The following FCHO2 variants were observed in gnomAD, a reference collection of about 807,000 sequenced individuals.
FCHO2 encodes F-BAR domain only protein 2.
Under a neutral mutation model 114.1 loss-of-function variants are expected in FCHO2, and 43 were observed. The observed-to-expected ratio is 0.38, with a 90% CI of 0.30 to 0.49. The LOEUF is 0.49. FCHO2 is among the 20% of genes least tolerant of loss of function. FCHO2 has a pLI of 0.97. For missense variants in FCHO2, 807 were observed against 950.4 expected, an observed-to-expected ratio of 0.85 and a Z score of 1.98; for synonymous variants, 293 against 315.2, an observed-to-expected ratio of 0.93 and a Z score of 0.75.
At chr5:72,980,369 T>G (rs1360717467) in intron 2 of FCHO2, among the ~76,000 whole-genome samples, 1 of 152,186 alleles carries the variant, frequency 6.6e-6, no homozygotes, top group East Asian at 1.9e-4. Context: ...CTTCCAATTA[T>G]GTGGTCAGTT....
Position 73,081,989 on chromosome 5 carries a change from T to A in FCHO2, c.2180+7T>A. On this transcript the variant is annotated splice_region_variant and intron_variant, in intron 23 of 25. Transcript: ENST00000430046. ...CCCTTCCCCCTGCAATATGGTAAAT[T>A]AAACATACGTTTCTGAATTCCCACT... is the stretch of plus-strand genomic sequence containing the variant. 6.9e-7 allele frequency: 1 copy of A among 1,447,182 alleles called. No homozygotes were observed. Among genetic ancestry groups the A allele is most frequent in the East Asian group, 2.6e-5 (1 of 38,808 alleles). 89.6% of individuals were successfully genotyped at this position (1,447,182 alleles called of 1,614,324 possible).
intron 1 of FCHO2, among the ~76,000 whole-genome samples, chr5:72,965,010 A>G (rs1427375980): frequency 6.6e-6 from 1 of 152,144 alleles, no homozygotes; most frequent in African/African-American, 2.4e-5. Flanking sequence ...AGATTAAAAA[A>G]AAAAAACAGT....
chr5:73,036,902 G>T (rs1156256813), intron 9 of FCHO2, among the ~76,000 whole-genome samples: 3 of 152,064 alleles, frequency 2.0e-5, no homozygotes, highest in Non-Finnish European at 4.4e-5. Flanking sequence ...GAAAAGAAAA[G>T]AAAATTTTAT....
At chr5:73,031,526 T>C (rs1442983385) in intron 8 of FCHO2, among the ~76,000 whole-genome samples, 1 of 152,190 alleles carries the variant, frequency 6.6e-6, no homozygotes, top group Admixed American at 6.5e-5. Flanking sequence ...CACAAAACAT[T>C]TGTGGTGATC....
intron 6 of FCHO2, among the ~76,000 whole-genome samples, chr5:73,012,576 G>A (rs1755080678): frequency 7.0e-6 from 1 of 143,382 alleles, no homozygotes; most frequent in African/African-American, 2.6e-5. Flanking sequence ...CCGAGATCAC[G>A]CCACTGCACT....
chr5:73,014,674 C>A (rs1561449175), intron 6 of FCHO2, among the ~76,000 whole-genome samples: 1 of 152,104 alleles, frequency 6.6e-6, no homozygotes. Flanking sequence ...GTAGTTTTTG[C>A]TTTGCCAACT....
At chr5:73,073,321 A>G (rs1052805168) in intron 19 of FCHO2, among the ~76,000 whole-genome samples, 3 of 152,088 alleles carry the variant, frequency 2.0e-5, no homozygotes, top group African/African-American at 7.2e-5. Flanking sequence ...AGTGGTTTCT[A>G]GTGACAAAAG....
rs1742842454 is a variant in FCHO2, at chr5:73,074,986, C to A, written c.1691+133C>A. The A allele has an allele frequency of 4.3e-6, 3 of 693,588 alleles. No homozygotes were observed. In the East Asian group the frequency reaches 8.5e-5, roughly 20 times the overall value. 43.0% of individuals were successfully genotyped at this position (693,588 alleles called of 1,614,324 possible). ...TTACAGTTTTCTGTTGTTTATTTAC[C>A]TGCTTTTTTGCTATCTAAGGTAGTC... On this transcript the variant is annotated intron_variant, in intron 20 of 25. Transcript: ENST00000430046.
At chr5:73,014,387 C>G (rs1158894039) in intron 6 of FCHO2, among the ~76,000 whole-genome samples, 1 of 150,544 alleles carries the variant, frequency 6.6e-6, no homozygotes, top group Non-Finnish European at 1.5e-5. Flanking sequence ...CTCCCGGGTT[C>G]AAGCGATTCT....
chr5:72,974,179 G>A (rs958631423), intron 2 of FCHO2, among the ~76,000 whole-genome samples: 1 of 147,578 alleles, frequency 6.8e-6, no homozygotes, highest in African/African-American at 2.5e-5. Context: ...TGTATATTCT[G>A]TTGATTTGGG....
chr5:73,030,108 C>A (rs1756155598), intron 8 of FCHO2, among the ~76,000 whole-genome samples: 1 of 145,324 alleles, frequency 6.9e-6, no homozygotes, highest in Non-Finnish European at 1.5e-5. Context: ...GTGACATGAT[C>A]TTGGCTCACT....
chr5:73,005,495 C>T (rs1456795424), intron 5 of FCHO2, among the ~76,000 whole-genome samples: 2 of 152,136 alleles, frequency 1.3e-5, no homozygotes, highest in Admixed American at 6.5e-5. Context: ...TCTGTTACCT[C>T]GTCAAGAAAA....
intron 1 of FCHO2, among the ~76,000 whole-genome samples, chr5:72,966,095 C>T (rs781587782): frequency 3.3e-5 from 5 of 152,172 alleles, no homozygotes; most frequent in Non-Finnish European, 7.3e-5. Flanking sequence ...AGTGAATGCT[C>T]GCCACATGCA....
intron 5 of FCHO2, among the ~76,000 whole-genome samples, chr5:73,003,075 A>G (rs963922123): frequency 6.6e-6 from 1 of 152,078 alleles, no homozygotes; most frequent in Admixed American, 6.6e-5. Context: ...TGGTATTATC[A>G]TAGCTCACTG....
At position 73,089,266 on chromosome 5, in the gene FCHO2, A is replaced by C. The variant is rs1043934062; in HGVS notation, c.*1176A>C. ...TTAGCATTTTCCTTGATACTTTATC[A>C]TTGAAAATTTATGCATTTATTTACT... On this transcript the variant is annotated 3_prime_UTR_variant, in exon 26 of 26. Transcript: ENST00000430046. 1 of 152,572 alleles carries C rather than the reference A, an allele frequency of 6.6e-6. No homozygotes were observed. The highest frequency in any genetic ancestry group is 1.5e-5 in the Non-Finnish European group (1 of 67,982). 9.5% of individuals were successfully genotyped at this position (152,572 alleles called of 1,614,324 possible).
At chr5:72,988,940 G>A (rs551701311) in intron 2 of FCHO2, among the ~76,000 whole-genome samples, 2 of 152,186 alleles carry the variant, frequency 1.3e-5, no homozygotes, top group Non-Finnish European at 2.9e-5. Flanking sequence ...TGAGCGTGGT[G>A]GCTCATGCCT....
chr5:73,066,575 CTTT>C (rs3054234), intron 18 of FCHO2, among the ~76,000 whole-genome samples: 8 of 101,442 alleles, frequency 7.9e-5, no homozygotes, highest in Admixed American at 1.2e-4. Flanking sequence ...AGTGCCTTTT[CTTT>C]TTTTTTTTTT....
chr5:73,011,089 T>G (rs1427197647), intron 6 of FCHO2, among the ~76,000 whole-genome samples: 1 of 152,026 alleles, frequency 6.6e-6, no homozygotes, highest in Non-Finnish European at 1.5e-5. Context: ...AAAATCAGTA[T>G]AAAAGATTAA....
chr5:73,024,870 A>G (rs1022551289), intron 8 of FCHO2, among the ~76,000 whole-genome samples: 1 of 152,230 alleles, frequency 6.6e-6, no homozygotes, highest in South Asian at 2.1e-4. Flanking sequence ...TTCAAAAATG[A>G]TACATTTCTC....
Sources: allele counts gnomAD v4.1 joint callset (sites outside exome capture counted in the v4.1 genomes callset), GRCh38; gene constraint gnomAD v4.1.1; transcripts MANE v1.5; gene names NCBI Gene and HGNC (gene_info 2026-07-23, HGNC 2026-07-21).